Variants in ATP8A2 observed in about 807,000 individuals in gnomAD.
The protein encoded by ATP8A2 is ATPase phospholipid transporting 8A2, also known as phospholipid-transporting ATPase IB.
A neutral mutation model predicts 165.6 loss-of-function variants in ATP8A2; 100 were observed. The observed-to-expected ratio is 0.60, with a 90% CI of 0.51 to 0.71. ATP8A2 has a LOEUF of 0.71. ATP8A2 is among the 30% of genes least tolerant of loss of function. ATP8A2 has a pLI of 0.00. For synonymous variants in ATP8A2, 543 were observed against 548.8 expected, an observed-to-expected ratio of 0.99 and a Z score of 0.15; for missense variants, 1,227 against 1,479.5, an observed-to-expected ratio of 0.83 and a Z score of 2.80.
Position 25,411,752 on chromosome 13 carries a change from A to G in ATP8A2, c.76+39464A>G, listed in dbSNP as rs573216637. On this transcript the variant is annotated intron_variant, in intron 1 of 36. Transcript: ENST00000381655. Reference sequence around the variant, plus strand: ...ATACATGCATTAAAAATTGGCCGATACTGGAAGGCAGCACACATAACTGTG... The same window carrying G: ...ATACATGCATTAAAAATTGGCCGATGCTGGAAGGCAGCACACATAACTGTG... 9.8e-5 allele frequency among the ~76,000 whole-genome samples: 15 copies of G among 152,356 alleles called. No homozygotes were observed. The East Asian group carries it at 2.9e-3, about 29-fold the overall frequency.
intron 30 of ATP8A2, among the ~76,000 whole-genome samples, chr13:25,858,216 A>G (rs9511960): frequency 0.94 from 143,577 of 152,270 alleles, 68,096 homozygotes; most frequent in Non-Finnish European, 1. Flanking sequence ...AACTCCTACA[A>G]TTTTGAGTAA....
chr13:25,732,680 G>A (rs2043677419), intron 25 of ATP8A2, among the ~76,000 whole-genome samples: 1 of 152,138 alleles, frequency 6.6e-6, no homozygotes, highest in African/African-American at 2.4e-5. Context: ...GGTCTAACAC[G>A]CTAAGTGATA....
chr13:25,477,173 G>A (rs2036018599), intron 2 of ATP8A2, among the ~76,000 whole-genome samples: 1 of 152,132 alleles, frequency 6.6e-6, no homozygotes, highest in Non-Finnish European at 1.5e-5. Context: ...GGATAATGGA[G>A]CCCAGTTTGA....
chr13:25,961,831 T>C (rs973020856), intron 34 of ATP8A2, among the ~76,000 whole-genome samples, 168 bp downstream of exon 34: 2 of 152,198 alleles, frequency 1.3e-5, no homozygotes, highest in African/African-American at 4.8e-5. Flanking sequence ...TAACTTGTGC[T>C]TCATCTTGAT....
intron 33 of ATP8A2, among the ~76,000 whole-genome samples, chr13:25,890,152 ACT>A (rs1245299274): frequency 1.3e-5 from 2 of 151,890 alleles, no homozygotes; most frequent in Admixed American, 6.6e-5. Flanking sequence ...ACGGCGCGAG[ACT>A]CTGTCTCAAA....
At chr13:25,523,849 C>T (rs1040750387) in intron 2 of ATP8A2, among the ~76,000 whole-genome samples, 9 of 151,812 alleles carry the variant, frequency 5.9e-5, no homozygotes, top group African/African-American at 2.2e-4. Context: ...TTTTTTTAGT[C>T]TCAATTTTAT....
At chr13:25,594,404 ATGTG>A (rs1002345958) in intron 24 of ATP8A2, among the ~76,000 whole-genome samples, 1 of 152,034 alleles carries the variant, frequency 6.6e-6, no homozygotes, top group African/African-American at 2.4e-5. Context: ...GCCAGGATTT[ATGTG>A]TGTGTGTGTG....
At chr13:25,745,626 G>A (rs1454023105) in intron 25 of ATP8A2, among the ~76,000 whole-genome samples, 1 of 152,106 alleles carries the variant, frequency 6.6e-6, no homozygotes, top group African/African-American at 2.4e-5. Flanking sequence ...CCTGGGGATG[G>A]GCTGGAGTGT....
chr13:25,834,378 C>T (rs888060783), intron 28 of ATP8A2, among the ~76,000 whole-genome samples: 2 of 152,024 alleles, frequency 1.3e-5, no homozygotes, highest in Non-Finnish European at 2.9e-5. Flanking sequence ...ATGCATGTAT[C>T]CTTTTAACTC....
chr13:25,407,551 TA>T (rs1360683384), intron 1 of ATP8A2, among the ~76,000 whole-genome samples: 2 of 152,214 alleles, frequency 1.3e-5, no homozygotes, highest in Non-Finnish European at 2.9e-5. Flanking sequence ...ATCTTCCCAC[TA>T]CCTATAATTT....
At chr13:25,767,924 AC>A (rs2044525061) in intron 25 of ATP8A2, among the ~76,000 whole-genome samples, 2 of 152,068 alleles carry the variant, frequency 1.3e-5, no homozygotes, top group Non-Finnish European at 2.9e-5. Context: ...GTGGGTAGAG[AC>A]CATCTAGGAG....
intron 1 of ATP8A2, among the ~76,000 whole-genome samples, chr13:25,418,146 G>C (rs1403122582): frequency 2.0e-5 from 3 of 152,122 alleles, no homozygotes; most frequent in Non-Finnish European, 4.4e-5. Flanking sequence ...AGGGAACCAA[G>C]GTCTCCCTGA....
chr13:25,578,995 C>G (rs2039695078), intron 21 of ATP8A2, 96 bp downstream of exon 21: 1 of 823,834 alleles, frequency 1.2e-6, no homozygotes, highest in Non-Finnish European at 2.1e-6. Flanking sequence ...CAGTGCCTGC[C>G]CCATCCCCTC....
chr13:25,846,258 A>G (rs1022171664), intron 30 of ATP8A2, among the ~76,000 whole-genome samples: 1 of 152,218 alleles, frequency 6.6e-6, no homozygotes, highest in Non-Finnish European at 1.5e-5. Context: ...TAGTGCGTTA[A>G]TAGAGGAGTT....
At chr13:25,822,583 C>T (rs879806284) in intron 27 of ATP8A2, among the ~76,000 whole-genome samples, 1 of 152,172 alleles carries the variant, frequency 6.6e-6, no homozygotes, top group Admixed American at 6.5e-5. Context: ...ATACTCTTTG[C>T]CCATTTTTCT....
intron 2 of ATP8A2, among the ~76,000 whole-genome samples, chr13:25,509,954 C>A (rs997509272): frequency 2.0e-5 from 3 of 152,106 alleles, no homozygotes; most frequent in Non-Finnish European, 4.4e-5. Flanking sequence ...TGGCGCACGC[C>A]CCAAATGTTT....
At chr13:25,495,879 G>A (rs567794564) in intron 2 of ATP8A2, among the ~76,000 whole-genome samples, 5 of 151,904 alleles carry the variant, frequency 3.3e-5, no homozygotes, top group Non-Finnish European at 2.9e-5. Context: ...TGCTTGGTTC[G>A]AATATATTTC....
intron 33 of ATP8A2, among the ~76,000 whole-genome samples, chr13:25,883,833 A>C (rs954949122): frequency 1.3e-5 from 2 of 152,184 alleles, no homozygotes; most frequent in African/African-American, 2.4e-5. Flanking sequence ...TGCGTGTGCA[A>C]GTCAGGGTCA....
chr13:25,419,345 C>T (rs1468143713), intron 1 of ATP8A2, among the ~76,000 whole-genome samples: 1 of 152,086 alleles, frequency 6.6e-6, no homozygotes, highest in African/African-American at 2.4e-5. Context: ...TTCTTTTCCT[C>T]CCCCATCACT....
Sources: gnomAD v4.1 joint callset for allele counts (sites outside exome capture counted in the v4.1 genomes callset) on GRCh38, gnomAD v4.1.1 for gene constraint, MANE v1.5 for transcripts, NCBI Gene and HGNC (gene_info 2026-07-23, HGNC 2026-07-21) for gene names.